NDFIP2: variants seen among roughly 807,000 people sequenced by gnomAD.
NDFIP2 encodes the protein Nedd4 family interacting protein 2.
A neutral mutation model predicts 36.0 loss-of-function variants in NDFIP2; 19 were observed. That is an observed-to-expected ratio of 0.53 (90% confidence interval 0.37 to 0.77). NDFIP2 has a LOEUF of 0.77. Among genes scored for constraint, NDFIP2 ranks in the 30% least tolerant of loss-of-function variants. NDFIP2 has a pLI of 0.00. For synonymous variants in NDFIP2, 181 were observed against 167.7 expected (o/e 1.08, Z -0.61); for missense variants, 446 against 435.8 (o/e 1.02, Z -0.21).
At chr13:79,513,026 T>G (rs1460621514) in intron 1 of NDFIP2, among the ~76,000 whole-genome samples, 7 of 152,234 alleles carry the variant, frequency 4.6e-5, no homozygotes, top group Non-Finnish European at 8.8e-5. Context: ...TTGGTTAATT[T>G]ACATGAATAT....
At chr13:79,547,410 A>G (rs996631304) in intron 5 of NDFIP2, among the ~76,000 whole-genome samples, 1 of 152,188 alleles carries the variant, frequency 6.6e-6, no homozygotes, top group African/African-American at 2.4e-5. Flanking sequence ...ACCAGTGGAA[A>G]CAGGGTGGGT....
chr13:79,499,888 G>T (rs1050987518), intron 1 of NDFIP2, among the ~76,000 whole-genome samples: 4 of 151,828 alleles, frequency 2.6e-5, no homozygotes, highest in Non-Finnish European at 5.9e-5. Flanking sequence ...ATATGGAGAG[G>T]CAACAGATTC....
chr13:79,548,116 A>G (rs1462459666), intron 5 of NDFIP2, among the ~76,000 whole-genome samples: 2 of 149,024 alleles, frequency 1.3e-5, no homozygotes, highest in African/African-American at 4.9e-5. Flanking sequence ...AAATACTCCA[A>G]TTTTTTTTTT....
chr13:79,549,879 C>T (rs1411308293), intron 6 of NDFIP2, among the ~76,000 whole-genome samples: 1 of 151,728 alleles, frequency 6.6e-6, no homozygotes, highest in Non-Finnish European at 1.5e-5. Flanking sequence ...GAAGCAGATG[C>T]GATTGGGTTT....
In NDFIP2 at chr13:79,537,983, G is replaced by C. The variant is rs192560337; in HGVS notation, c.622-1699G>C. On this transcript the variant is annotated intron_variant, in intron 3 of 7. Coordinates refer to ENST00000218652, the MANE Select transcript of NDFIP2 (RefSeq NM_019080.3). ...TCTGGGGAGGCCCCAGGAAACTTAC[G>C]ATTGTGGCGGAAGGTGAGGGGGAAG... 4.6e-5 allele frequency among the ~76,000 whole-genome samples: 7 copies of C among 151,426 alleles called. No homozygotes were observed. In the East Asian group the frequency reaches 1.4e-3, roughly 29 times the overall value.
At chr13:79,497,793 G>GTGTGTGTGTGT (rs1566655451) in intron 1 of NDFIP2, among the ~76,000 whole-genome samples, 74 of 92,928 alleles carry the variant, frequency 8.0e-4, no homozygotes, top group East Asian at 4.9e-3. Context: ...TTATCTGTGG[G>GTGTGTGTGTGT]GGGTGTGTGT....
rs1876052292 is a variant in NDFIP2, at chr13:79,554,926, T to A, written c.*2413T>A. 1 of 151,938 alleles carries A rather than the reference T, an allele frequency of 6.6e-6. No homozygotes were observed. The highest frequency in any genetic ancestry group is 2.4e-5 in the African/African-American group (1 of 41,428). The allele number at this position is 151,938 out of a possible 1,614,324, so 9.4% of individuals were successfully genotyped here. On this transcript the variant is annotated 3_prime_UTR_variant, in exon 8 of 8. Coordinates refer to ENST00000218652, the MANE Select transcript of NDFIP2 (RefSeq NM_019080.3). ...ATTTTCATGTATTTATGCAATAAAC[T>A]GAATTTTAAGGCAAAAACAACACTT...
intron 2 of NDFIP2, among the ~76,000 whole-genome samples, chr13:79,532,589 GAA>G (rs1248548047): frequency 6.6e-6 from 1 of 152,048 alleles, no homozygotes; most frequent in Non-Finnish European, 1.5e-5. Context: ...ATTGGGGTGA[GAA>G]ATACTTATAA....
At chr13:79,483,235 G>A (rs2079825949) in intron 1 of NDFIP2, among the ~76,000 whole-genome samples, 1 of 151,932 alleles carries the variant, frequency 6.6e-6, no homozygotes, top group African/African-American at 2.4e-5. Context: ...AGTACTTTAG[G>A]TAGGACATCG....
intron 1 of NDFIP2, among the ~76,000 whole-genome samples, chr13:79,504,597 A>G (rs1215367315): frequency 1.3e-5 from 2 of 151,674 alleles, no homozygotes; most frequent in Non-Finnish European, 2.9e-5. Context: ...CATTACACTC[A>G]GTTATCAAGT....
intron 3 of NDFIP2, among the ~76,000 whole-genome samples, chr13:79,538,986 C>G (rs536115277): frequency 6.6e-6 from 1 of 152,298 alleles, no homozygotes; most frequent in South Asian, 2.1e-4. Flanking sequence ...CAGTGTACAG[C>G]TCTGTGGCTG....
chr13:79,524,145 A>G (rs1335988422), intron 2 of NDFIP2, among the ~76,000 whole-genome samples: 1 of 152,200 alleles, frequency 6.6e-6, no homozygotes, highest in African/African-American at 2.4e-5. Flanking sequence ...CTTCCTCTGT[A>G]GATGACTCTA....
At chr13:79,512,409 T>C (rs1300940670) in intron 1 of NDFIP2, among the ~76,000 whole-genome samples, 1 of 151,942 alleles carries the variant, frequency 6.6e-6, no homozygotes, top group African/African-American at 2.4e-5. Context: ...TTGCTGCCTA[T>C]GGATGCACAG....
Position 79,555,649 on chromosome 13 carries a change from ACTG to A in NDFIP2, c.*3140_*3142del, listed in dbSNP as rs949635968. On this transcript the variant is annotated 3_prime_UTR_variant, in exon 8 of 8. Coordinates refer to ENST00000218652, the MANE Select transcript of NDFIP2 (RefSeq NM_019080.3). ...AAACTGAATGGCTTTTATATTTTTAACTGCTGTTAAATGTTATTTTAGCATTTA... is the reference window on the plus strand; with the variant it reads ...AAACTGAATGGCTTTTATATTTTTAACTGTTAAATGTTATTTTAGCATTTA... 7 of 151,986 alleles carry A rather than the reference ACTG, an allele frequency of 4.6e-5. No homozygotes were observed. Among genetic ancestry groups the A allele is most frequent in the Admixed American group, 3.3e-4 (5 of 15,242 alleles). 9.4% of individuals were successfully genotyped at this position (151,986 alleles called of 1,614,324 possible).
intron 1 of NDFIP2, 116 bp from the exon 2 acceptor site, chr13:79,520,694 C>T: frequency 4.2e-6 from 4 of 946,560 alleles, no homozygotes; most frequent in Non-Finnish European, 5.8e-6. Flanking sequence ...CTAAAAATGC[C>T]ATTTTCTTTG....
chr13:79,486,495 C>T (rs1185656481), intron 1 of NDFIP2, among the ~76,000 whole-genome samples: 2 of 152,178 alleles, frequency 1.3e-5, no homozygotes, highest in African/African-American at 4.8e-5. Flanking sequence ...TATCATTAGC[C>T]TACATTTTAA....
rs946819643 is a variant in NDFIP2 at position 79,553,963 on chromosome 13, T to C, written c.*1450T>C. On this transcript the variant is annotated 3_prime_UTR_variant, in exon 8 of 8. Coordinates refer to ENST00000218652, the MANE Select transcript of NDFIP2 (RefSeq NM_019080.3). ...ATTATTAGACATTACTACTAAAAGG[T>C]ACATCTAACTATTCAGGGACATTTT... is the stretch of plus-strand genomic sequence containing the variant. The C allele has an allele frequency of 6.6e-6, 1 of 151,742 alleles. No individual in the cohort carries two copies. The highest frequency in any genetic ancestry group is 1.5e-5 in the Non-Finnish European group (1 of 67,616). The allele number at this position is 151,742 out of a possible 1,614,324, so 9.4% of individuals were successfully genotyped here. A position where few individuals can be genotyped will look rare whatever the true frequency, so the allele number is the denominator to read the frequency against.
At chr13:79,545,941 G>A (rs1009338903) in intron 5 of NDFIP2, among the ~76,000 whole-genome samples, 1 of 152,122 alleles carries the variant, frequency 6.6e-6, no homozygotes, top group Non-Finnish European at 1.5e-5. Flanking sequence ...TCACCGCGTT[G>A]CCCAGGCTGA....
chr13:79,528,418 C>A (rs1874883436), intron 2 of NDFIP2, among the ~76,000 whole-genome samples: 1 of 151,976 alleles, frequency 6.6e-6, no homozygotes, highest in African/African-American at 2.4e-5. Context: ...AGTAAAAATA[C>A]AGAAAGCTGA....
Sources: allele counts gnomAD v4.1 joint callset (sites outside exome capture counted in the v4.1 genomes callset), GRCh38; gene constraint gnomAD v4.1.1; transcripts MANE v1.5; gene names NCBI Gene and HGNC (gene_info 2026-07-23, HGNC 2026-07-21).